USH2A: variants seen among roughly 807,000 people sequenced by gnomAD.
The protein encoded by USH2A is Usher syndrome 2A (autosomal recessive, mild).
Under a neutral mutation model 538.9 loss-of-function variants are expected in USH2A, and 443 were observed. That is an observed-to-expected ratio of 0.82 (90% CI 0.76 to 0.89). USH2A has a LOEUF of 0.89. USH2A is among the 40% of genes least tolerant of loss of function. The probability of loss-of-function intolerance (pLI) is 0.00; values close to 1 mark genes in which losing one functional copy is unlikely to be tolerated. For missense variants in USH2A, 6,633 were observed against 6,324.8 expected (o/e 1.05, Z -1.65); for synonymous variants, 2,413 against 2,273.5 (o/e 1.06, Z -1.75).
intron 61 of USH2A, among the ~76,000 whole-genome samples, chr1:215,711,064 A>C (rs989184236): frequency 6.6e-6 from 1 of 152,108 alleles, no homozygotes; most frequent in Non-Finnish European, 1.5e-5. Context: ...GCAATAAGAG[A>C]GATAATGTTA....
chr1:216,357,769 T>C (rs2038416259), intron 4 of USH2A, among the ~76,000 whole-genome samples: 1 of 152,212 alleles, frequency 6.6e-6, no homozygotes, highest in East Asian at 1.9e-4. Context: ...TTGATTCATG[T>C]AGTTCTGTAA....
At chr1:215,948,425 G>T (rs76857864) in intron 37 of USH2A, among the ~76,000 whole-genome samples, 5,997 of 144,574 alleles carry the variant, frequency 0.041, 144 homozygotes, top group Middle Eastern at 0.092. Context: ...TATTTGTTCA[G>T]ATATATATAT....
Position 216,418,814 on chromosome 1 carries a change from A to C in USH2A, c.486-135T>G, listed in dbSNP as rs1252139892. On this transcript the variant is annotated intron_variant, in intron 2 of 71. Transcript: ENST00000307340. ...ATGGTGTACTATGAATAAGTGCCTG[A>C]ATGTCATTATATTCAATGAAAGCTT... The C allele has an allele frequency of 6.2e-6, 5 of 808,368 alleles. No homozygotes were observed. The Admixed American group carries it at 1.1e-4, about 18-fold the overall frequency. 50.1% of individuals were successfully genotyped at this position (808,368 alleles called of 1,614,324 possible).
Position 215,940,484 on chromosome 1 carries a change from A to T in USH2A, c.7121-5689T>A, listed in dbSNP as rs146063989. Among the ~76,000 whole-genome samples, 199 of 152,230 alleles carry T rather than the reference A, an allele frequency of 1.3e-3. 2 individuals are homozygous for T. Among genetic ancestry groups the T allele is most frequent in the African/African-American group, 4.4e-3 (182 of 41,566 alleles). On this transcript the variant is annotated intron_variant, in intron 37 of 71. Transcript: ENST00000307340. ...ACCAAAAAGCAAGTGTTTCTTCCAGATTCCATTTTTCTGATAGATCTCATG... is the reference window on the plus strand; with the variant it reads ...ACCAAAAAGCAAGTGTTTCTTCCAGTTTCCATTTTTCTGATAGATCTCATG...
chr1:216,107,234 A>G (rs1225141202), intron 21 of USH2A, among the ~76,000 whole-genome samples: 2 of 151,836 alleles, frequency 1.3e-5, no homozygotes, highest in Non-Finnish European at 3.0e-5. Context: ...GTCATTTAAA[A>G]ATCTTGAAAT....
rs114370011 is a variant in USH2A, at chr1:216,036,074, T to G, written c.6325+10357A>C. 2.7e-3 allele frequency among the ~76,000 whole-genome samples: 414 copies of G among 152,200 alleles called. 1 individual carries two copies. Among genetic ancestry groups the G allele is most frequent in the African/African-American group, 9.1e-3 (380 of 41,546 alleles). Reference sequence around the variant, plus strand: ...AGATCATCAAATATACATAACGTTTTGATGGTGGTAGATAGTGCTAGAGGT... The same window carrying G: ...AGATCATCAAATATACATAACGTTTGGATGGTGGTAGATAGTGCTAGAGGT... On this transcript the variant is annotated intron_variant, in intron 32 of 71. Coordinates refer to ENST00000307340, the MANE Select transcript of USH2A (RefSeq NM_206933.4).
At chr1:216,144,679 G>T (rs10495019) in intron 21 of USH2A, among the ~76,000 whole-genome samples, 1 of 152,022 alleles carries the variant, frequency 6.6e-6, no homozygotes, top group South Asian at 2.1e-4. Context: ...CTGACCACTG[G>T]GCAACATTTT....
intron 21 of USH2A, among the ~76,000 whole-genome samples, chr1:216,100,434 C>G (rs1395348378): frequency 6.6e-6 from 1 of 150,594 alleles, no homozygotes; most frequent in Non-Finnish European, 1.5e-5. Flanking sequence ...CTCTTTTCTT[C>G]TCTTAAGCTT....
intron 37 of USH2A, among the ~76,000 whole-genome samples, chr1:215,957,237 C>G (rs80322550): frequency 0.042 from 6,318 of 152,216 alleles, 152 homozygotes; most frequent in Middle Eastern, 0.075. Flanking sequence ...TAAGAACATT[C>G]TCCCACAGTT....
At chr1:216,095,223 G>A (rs944207708) in intron 22 of USH2A, among the ~76,000 whole-genome samples, 6 of 151,534 alleles carry the variant, frequency 4.0e-5, no homozygotes, top group Admixed American at 2.0e-4. Flanking sequence ...TTCTCCTTCC[G>A]ATTCGCTTCT....
chr1:216,030,762 C>A, intron 32 of USH2A, among the ~76,000 whole-genome samples: 1 of 151,152 alleles, frequency 6.6e-6, no homozygotes, highest in East Asian at 1.9e-4. Flanking sequence ...TTTCCAGTTT[C>A]ATGAATGAGT....
chr1:216,218,039 C>T (rs1010851497), intron 14 of USH2A, among the ~76,000 whole-genome samples: 1 of 151,966 alleles, frequency 6.6e-6, no homozygotes, highest in Non-Finnish European at 1.5e-5. Context: ...ATAGTTAGTT[C>T]GATGAAGACT....
At chr1:216,227,926 T>C (rs1427791621) in intron 14 of USH2A, among the ~76,000 whole-genome samples, 1 of 152,162 alleles carries the variant, frequency 6.6e-6, no homozygotes, top group Admixed American at 6.5e-5. Context: ...TCTCTGGAGC[T>C]GACCCCACAG....
At chr1:216,027,192 G>T (rs1016634605) in intron 32 of USH2A, among the ~76,000 whole-genome samples, 13 of 152,138 alleles carry the variant, frequency 8.5e-5, no homozygotes, top group African/African-American at 3.1e-4. Flanking sequence ...AGGCCATTAT[G>T]ATGAGCCTTA....
chr1:216,005,116 T>C (rs1668362707), intron 32 of USH2A, among the ~76,000 whole-genome samples: 1 of 152,180 alleles, frequency 6.6e-6, no homozygotes, highest in Admixed American at 6.5e-5. Flanking sequence ...CCTATTTTTT[T>C]CATACACTAG....
At chr1:216,218,800 G>T (rs538848743) in intron 14 of USH2A, among the ~76,000 whole-genome samples, 54 of 152,110 alleles carry the variant, frequency 3.6e-4, no homozygotes, top group African/African-American at 1.3e-3. Context: ...ATTTCAAATA[G>T]ATGTTTTGTT....
intron 3 of USH2A, among the ~76,000 whole-genome samples, chr1:216,365,505 A>C (rs1333255984): frequency 2.0e-5 from 3 of 152,220 alleles, no homozygotes; most frequent in Non-Finnish European, 4.4e-5. Context: ...ATGTGGATAT[A>C]ATTCAAGTTA....
intron 14 of USH2A, among the ~76,000 whole-genome samples, chr1:216,228,624 T>C (rs900294926): frequency 1.3e-5 from 2 of 152,150 alleles, no homozygotes; most frequent in African/African-American, 4.8e-5. Flanking sequence ...TCTTTCACCT[T>C]CCACTGCAAT....
chr1:216,264,297 A>G (rs905803689), intron 11 of USH2A, among the ~76,000 whole-genome samples: 1 of 151,848 alleles, frequency 6.6e-6, no homozygotes, highest in Non-Finnish European at 1.5e-5. Flanking sequence ...AGAATAGACA[A>G]AGCAATTTTT....
Sources: gnomAD v4.1 joint callset for allele counts (sites outside exome capture counted in the v4.1 genomes callset) on GRCh38, gnomAD v4.1.1 for gene constraint, MANE v1.5 for transcripts, NCBI Gene and HGNC (gene_info 2026-07-23, HGNC 2026-07-21) for gene names.